Variants in IL1R2 observed in about 807,000 individuals in gnomAD.
The protein encoded by IL1R2 is interleukin 1 receptor type 2, also known as interleukin-1 receptor type 2.
IL1R2 carries 46 observed loss-of-function variants against 39.5 expected under a neutral mutation model. The observed-to-expected ratio is 1.16, with a 90% CI of 0.92 to 1.49. The LOEUF is 1.49. Ranked by LOEUF, IL1R2 falls within the 40% of genes most tolerant of loss-of-function variation. IL1R2 has a pLI of 0.00. For synonymous variants in IL1R2, 207 were observed against 189.6 expected, an observed-to-expected ratio of 1.09 and a Z score of -0.75; for missense variants, 537 against 502.0, an observed-to-expected ratio of 1.07 and a Z score of -0.67.
chr2:102,021,407 C>A (rs1677390697), intron 5 of IL1R2, among the ~76,000 whole-genome samples: 1 of 151,748 alleles, frequency 6.6e-6, no homozygotes, highest in African/African-American at 2.4e-5. Context: ...CCTCTACCTC[C>A]CGGGTTCAAG....
intron 4 of IL1R2, among the ~76,000 whole-genome samples, chr2:102,018,442 C>T (rs891682557): frequency 6.6e-6 from 1 of 152,206 alleles, no homozygotes; most frequent in Admixed American, 6.5e-5. Flanking sequence ...ACTTTCACCA[C>T]CTGGGATTGT....
chr2:101,995,757 G>T (rs1463837021), intron 1 of IL1R2, among the ~76,000 whole-genome samples: 1 of 152,122 alleles, frequency 6.6e-6, no homozygotes, highest in Non-Finnish European at 1.5e-5. Context: ...TAACTGCGTT[G>T]GACTATGACG....
rs1475977824 is a variant in IL1R2 at position 102,026,169 on chromosome 2, A to C, written c.946A>C (p.Thr316Pro). 1.2e-6 allele frequency: 2 copies of C among 1,610,814 alleles called. No individual in the cohort carries two copies. ...IEVPLIFDPV[T>P]REDLHMDFKC... ...AGTGCCATTGATTTTTGATCCTGTCACAAGAGAGGATTTGCACATGGATTT... is the reference window on the plus strand; with the variant it reads ...AGTGCCATTGATTTTTGATCCTGTCCCAAGAGAGGATTTGCACATGGATTT... Residue 316 changes from threonine (T) to proline (P), a missense_variant, in exon 8 of 9, where the codon ACA (threonine) becomes CCA (proline). By Grantham distance (38) the Thr-to-Pro change is conservative. Transcript: ENST00000332549.
chr2:102,010,751 T>C (rs935564568), intron 3 of IL1R2, among the ~76,000 whole-genome samples: 2 of 152,054 alleles, frequency 1.3e-5, no homozygotes, highest in African/African-American at 2.4e-5. Flanking sequence ...CCTTTAACTG[T>C]AGAAAAAATA....
chr2:102,024,895 T>C, intron 7 of IL1R2: 1 of 493,278 alleles, frequency 2.0e-6, no homozygotes, highest in South Asian at 3.1e-5. Flanking sequence ...TTGGTATTGA[T>C]GTTGCATTTT....
At chr2:102,019,469 C>T (rs2072481) in intron 4 of IL1R2, among the ~76,000 whole-genome samples, 169 bp from the exon 5 acceptor site, 24,139 of 152,142 alleles carry the variant, frequency 0.16, 2,230 homozygotes, top group East Asian at 0.28. Context: ...CAAATTCCTT[C>T]CCCTAATAAT....
rs147339619 is a variant in IL1R2 at position 102,008,600 on chromosome 2, A to G, written c.25A>G (p.Met9Val). 1.7e-4 allele frequency: 274 copies of G among 1,614,144 alleles called. 3 individuals carry two copies. In the East Asian group the frequency reaches 6.0e-3, roughly 35 times the overall value. The change falls in exon 2 of 9, where the codon ATG becomes GTG. Residue 9 changes from methionine to valine, a missense_variant. By Grantham distance (21) the Met-to-Val change is conservative. Transcript: ENST00000332549. Reference protein sequence around the residue: MLRLYVLVMGVSAFTLQPA... With the variant: MLRLYVLVVGVSAFTLQPA... ...AATGTTGCGCTTGTACGTGTTGGTA[A>G]TGGGAGTTTCTGCCTTCACCCTTCA...
At chr2:102,019,858 A>G (rs1396881867) in intron 5 of IL1R2, 46 bp downstream of exon 5, 3 of 1,507,424 alleles carry the variant, frequency 2.0e-6, no homozygotes, top group South Asian at 1.2e-5. Flanking sequence ...GTTCAATAAC[A>G]AGCATGCAGA....
chr2:102,019,838 A>G (rs1438866367), intron 5 of IL1R2, 26 bp downstream of exon 5: 8 of 1,591,302 alleles, frequency 5.0e-6, no homozygotes, highest in African/African-American at 4.0e-5. Flanking sequence ...TGAGGCACCT[A>G]TCTATCCTGG....
At chr2:102,005,714 G>A (rs1397111091) in intron 1 of IL1R2, among the ~76,000 whole-genome samples, 2 of 152,170 alleles carry the variant, frequency 1.3e-5, no homozygotes, top group African/African-American at 4.8e-5. Flanking sequence ...TTGTCACATG[G>A]CCACTCCTTG....
At chr2:102,024,837 A>C in intron 7 of IL1R2, 169 bp downstream of exon 7, 1 of 853,344 alleles carries the variant, frequency 1.2e-6, no homozygotes, top group Non-Finnish European at 1.7e-6. Flanking sequence ...TATCTTGAGA[A>C]TCAAACTTTC....
At chr2:102,008,338 A>G (rs1008684007) in intron 1 of IL1R2, among the ~76,000 whole-genome samples, 177 bp from the exon 2 acceptor site, 4 of 152,244 alleles carry the variant, frequency 2.6e-5, no homozygotes, top group Non-Finnish European at 5.9e-5. Flanking sequence ...AGATATGTTC[A>G]GTGAATATAG....
chr2:102,004,840 A>G (rs1676163918), intron 1 of IL1R2, among the ~76,000 whole-genome samples: 1 of 152,216 alleles, frequency 6.6e-6, no homozygotes, highest in Non-Finnish European at 1.5e-5. Flanking sequence ...AAGTCACAGT[A>G]AAGCAGCTCT....
At chr2:102,006,671 C>G (rs553946056) in intron 1 of IL1R2, among the ~76,000 whole-genome samples, 1 of 152,340 alleles carries the variant, frequency 6.6e-6, no homozygotes, top group East Asian at 1.9e-4. Context: ...TAAGTATTCC[C>G]CGGTATGTTC....
intron 6 of IL1R2, 151 bp from the exon 7 acceptor site, chr2:102,024,382 G>A (rs1677595472): frequency 1.6e-6 from 1 of 640,022 alleles, no homozygotes; most frequent in Non-Finnish European, 2.9e-6. Flanking sequence ...TGTGTGAACA[G>A]AATCATTTGA....
At chr2:102,002,596 G>A (rs1675942646) in intron 1 of IL1R2, among the ~76,000 whole-genome samples, 1 of 151,206 alleles carries the variant, frequency 6.6e-6, no homozygotes, top group Non-Finnish European at 1.5e-5. Flanking sequence ...CTGCGTCTGT[G>A]TCTGTGTCTA....
At chr2:102,000,897 C>T (rs945435614) in intron 1 of IL1R2, among the ~76,000 whole-genome samples, 1 of 152,226 alleles carries the variant, frequency 6.6e-6, no homozygotes, top group African/African-American at 2.4e-5. Context: ...CAGGGTAGTG[C>T]ATTCCTCTTA....
intron 3 of IL1R2, among the ~76,000 whole-genome samples, chr2:102,013,726 T>C (rs1456779044): frequency 6.6e-6 from 1 of 152,146 alleles, no homozygotes; most frequent in Non-Finnish European, 1.5e-5. Context: ...TGCAGACAGT[T>C]AGGGACTTAG....
At chr2:102,024,698 C>T (rs1677628527) in intron 7 of IL1R2, 30 bp downstream of exon 7, 1 of 1,613,560 alleles carries the variant, frequency 6.2e-7, no homozygotes. Flanking sequence ...CTGTTGAGAA[C>T]TCTGTGGGTT....
Sources: allele counts gnomAD v4.1 joint callset (sites outside exome capture counted in the v4.1 genomes callset), GRCh38; gene constraint gnomAD v4.1.1; transcripts MANE v1.5; gene names NCBI Gene and HGNC (gene_info 2026-07-23, HGNC 2026-07-21).